Variants in OR52N5 observed in about 807,000 individuals in gnomAD.
OR52N5 encodes the protein olfactory receptor family 52 subfamily N member 5.
OR52N5 carries 10 observed loss-of-function variants against 14.1 expected under a neutral mutation model. The observed-to-expected ratio is 0.71, with a 90% confidence interval of 0.44 to 1.20. OR52N5 has a LOEUF of 1.20. Ranked by LOEUF, OR52N5 falls within the 50% of genes most tolerant of loss-of-function variation. The pLI, the probability that OR52N5 is intolerant of heterozygous loss-of-function variation, is 0.00. For missense variants in OR52N5, 361 were observed against 403.2 expected, an observed-to-expected ratio of 0.90 and a Z score of 0.90; for synonymous variants, 116 against 143.0, an observed-to-expected ratio of 0.81 and a Z score of 1.35.
In OR52N5 at chr11:5,782,544, C is replaced by G. The variant is rs1854557128; in HGVS notation, c.-248+751G>C. ...TTTGTTCAATAGCTTGCCAAAGATACAGAATTTTGTGCTGTCTACACTAAA... is the reference window on the plus strand; with the variant it reads ...TTTGTTCAATAGCTTGCCAAAGATAGAGAATTTTGTGCTGTCTACACTAAA... On this transcript the variant is annotated intron_variant, in intron 1 of 2. Coordinates refer to ENST00000641181, the MANE Select transcript of OR52N5 (RefSeq NM_001385662.1). Among the ~76,000 whole-genome samples the G allele has an allele frequency of 7.9e-5, 11 of 140,124 alleles. 4 individuals carry two copies. The highest frequency in any genetic ancestry group is 6.7e-4 in the Admixed American group (9 of 13,500). 91.9% of individuals were successfully genotyped at this position (140,124 alleles called of 152,430 possible).
rs187010207 is a variant in OR52N5, at chr11:5,777,584, G to A, written c.*76C>T. 44 of 1,116,968 alleles carry A rather than the reference G, an allele frequency of 3.9e-5. 7 individuals carry two copies. In the Admixed American group the frequency reaches 1.2e-3, roughly 30 times the overall value. The allele number at this position is 1,116,968 out of a possible 1,614,324, so 69.2% of individuals were successfully genotyped here. ...TGTATGATACTACACATGAATAAATGTAAAATATCACACGTAAGTTTATTC... is the reference window on the plus strand; with the variant it reads ...TGTATGATACTACACATGAATAAATATAAAATATCACACGTAAGTTTATTC... On this transcript the variant is annotated 3_prime_UTR_variant, in exon 3 of 3. Transcript: ENST00000641181.
intron 2 of OR52N5, among the ~76,000 whole-genome samples, chr11:5,779,298 T>G (rs1400570580): frequency 7.2e-6 from 1 of 139,654 alleles, no homozygotes; most frequent in Non-Finnish European, 1.6e-5. Flanking sequence ...AGGTTAATAT[T>G]CTGATGGATT....
Position 5,778,205 on chromosome 11 carries a change from T to C in OR52N5, c.430A>G (p.Thr144Ala). The C allele has an allele frequency of 7.2e-6, 11 of 1,520,356 alleles. 1 individual carries two copies. Among genetic ancestry groups the C allele is most frequent in the South Asian group, 1.2e-5 (1 of 85,818 alleles). The allele number at this position is 1,520,356 out of a possible 1,614,324, so 94.2% of individuals were successfully genotyped here. A position where few individuals can be genotyped will look rare whatever the true frequency, so the allele number is the denominator to read the frequency against. ...TTGGCAATGATAGGGTTGGTGAGTG[T>C]GGTAGCATAACGCAAAGGGTAGCAA... The part of the protein sequence containing the change: ...AICYPLRYAT[T>A]LTNPIIAKAE... The change falls in exon 3 of 3, where the codon ACA (threonine) becomes GCA (alanine). Residue 144 changes from threonine (T) to alanine (A), a missense_variant. Physicochemically the swap from Thr to Ala is moderately conservative, Grantham distance 58 (BLOSUM62 0). Coordinates refer to ENST00000641181, the MANE Select transcript of OR52N5 (RefSeq NM_001385662.1).
rs927750897 is a variant in OR52N5 at position 5,776,177 on chromosome 11, T to C, written c.*1483A>G. On this transcript the variant is annotated 3_prime_UTR_variant, in exon 3 of 3. Transcript: ENST00000641181. ...TTATAAGAGTGTTGTGATAATATAGTGTGTGTGACAACCAGGAAGAGGTAA... is the reference window on the plus strand; with the variant it reads ...TTATAAGAGTGTTGTGATAATATAGCGTGTGTGACAACCAGGAAGAGGTAA... 1 of 140,332 alleles carries C rather than the reference T, an allele frequency of 7.1e-6. No homozygotes were observed. Among genetic ancestry groups the C allele is most frequent in the African/African-American group, 2.6e-5 (1 of 38,358 alleles). 8.7% of individuals were successfully genotyped at this position (140,332 alleles called of 1,614,324 possible).
In OR52N5 at chr11:5,778,588, G is replaced by A. The variant is rs1052043794; in HGVS notation, c.47C>T (p.Thr16Ile). The change falls in exon 3 of 3, where the codon ACT becomes ATT. Residue 16 changes from threonine to isoleucine, a missense_variant. By Grantham distance (89) the Thr-to-Ile change is moderately conservative. Coordinates refer to ENST00000641181, the MANE Select transcript of OR52N5 (RefSeq NM_001385662.1). ...SLCWFPTIHV[T>I]PPSFILNGIP... ...TCCATTAAGAATAAAAGATGGAGGA[G>A]TCACATGAATTGTTGGAAACCAGCA... The A allele has an allele frequency of 1.3e-6, 2 of 1,485,296 alleles. No individual in the cohort carries two copies. The highest frequency in any genetic ancestry group is 1.8e-6 in the Non-Finnish European group (2 of 1,087,818). 92.0% of individuals were successfully genotyped at this position (1,485,296 alleles called of 1,614,324 possible).
Position 5,776,368 on chromosome 11 carries a change from A to C in OR52N5, c.*1292T>G, listed in dbSNP as rs879639709. 1 of 140,542 alleles carries C rather than the reference A, an allele frequency of 7.1e-6. No individual in the cohort carries two copies. The highest frequency in any genetic ancestry group is 2.6e-5 in the African/African-American group (1 of 38,470). The allele number at this position is 140,542 out of a possible 1,614,324, so 8.7% of individuals were successfully genotyped here. ...TTTAACTGGGAAAGCCATACCATAT[A>C]CCAACTAGCTCCTGCACTGACTTCT... On this transcript the variant is annotated 3_prime_UTR_variant, in exon 3 of 3. Transcript: ENST00000641181.
Position 5,781,553 on chromosome 11 carries a change from C to G in OR52N5, c.-44G>C, listed in dbSNP as rs1261156788. 4 of 140,366 alleles carry G rather than the reference C, an allele frequency of 2.8e-5. No homozygotes were observed. The highest frequency in any genetic ancestry group is 1.0e-4 in the African/African-American group (4 of 38,310). 8.7% of individuals were successfully genotyped at this position (140,366 alleles called of 1,614,324 possible). ...CATACCACATCAAGATATGCTGCAGCTTACGACCTTGTGTCAATCACAATT... is the reference window on the plus strand; with the variant it reads ...CATACCACATCAAGATATGCTGCAGGTTACGACCTTGTGTCAATCACAATT... On this transcript the variant is annotated 5_prime_UTR_variant, in exon 2 of 3. Transcript: ENST00000641181.
chr11:5,778,607 A>AC lies in OR52N5; in HGVS notation c.27dup (p.Phe10ValfsTer14). On this transcript the variant is annotated frameshift_variant, in exon 3 of 3. Coordinates refer to ENST00000641181, the MANE Select transcript of OR52N5 (RefSeq NM_001385662.1). LOFTEE classifies it high-confidence loss of function. ...GGAGGAGTCACATGAATTGTTGGAA[A>AC]CCAGCATAATGAATTAAATAGAGGC... 6.8e-7 allele frequency: 1 copy of AC among 1,477,600 alleles called. No individual in the cohort carries two copies. The highest frequency in any genetic ancestry group is 9.2e-7 in the Non-Finnish European group (1 of 1,085,526). 91.5% of individuals were successfully genotyped at this position (1,477,600 alleles called of 1,614,324 possible).
At chr11:5,779,604 T>A (rs1403742540) in intron 2 of OR52N5, among the ~76,000 whole-genome samples, 1 of 140,046 alleles carries the variant, frequency 7.1e-6, no homozygotes. Context: ...AAGATAATTT[T>A]CAGATAATTA....
At chr11:5,782,814 A>G (rs1281892872) in intron 1 of OR52N5, among the ~76,000 whole-genome samples, 1 of 139,426 alleles carries the variant, frequency 7.2e-6, no homozygotes, top group Non-Finnish European at 1.6e-5. Context: ...GCTTAAAAAA[A>G]GAATACTCAA....
In OR52N5 at chr11:5,778,465, A is replaced by G. The variant is rs771490852; in HGVS notation, c.170T>C (p.Ile57Thr). The G allele has an allele frequency of 3.3e-6, 5 of 1,517,276 alleles. 2 individuals carry two copies. Among genetic ancestry groups the G allele is most frequent in the Non-Finnish European group, 4.5e-6 (5 of 1,111,352 alleles). 94.0% of individuals were successfully genotyped at this position (1,517,276 alleles called of 1,614,324 possible). ...LVGNLGLVYL[I>T]YYEESLHHPM... is the part of the protein sequence containing the mutation. The stretch of plus-strand genomic sequence containing the variant: ...ATGATGTAAGGACTCCTCATAATAA[A>G]TGAGGTACACAAGACCAAGATTCCC... Residue 57 changes from isoleucine to threonine, a missense_variant, in exon 3 of 3, where the codon ATT becomes ACT. Transcript: ENST00000641181.
rs1470678857 is a variant in OR52N5, at chr11:5,778,389, G to C, written c.246C>G (p.Thr82=). The C allele has an allele frequency of 6.6e-7, 1 of 1,519,726 alleles. No homozygotes were observed. Among genetic ancestry groups the C allele is most frequent in the Admixed American group, 1.8e-5 (1 of 55,392 alleles). 94.1% of individuals were successfully genotyped at this position (1,519,726 alleles called of 1,614,324 possible). Residue 82 remains threonine, a synonymous_variant, in exon 3 of 3, where the codon ACC becomes ACG. Transcript: ENST00000641181. The stretch of plus-strand genomic sequence containing the variant: ...GTGCATTGGGTAGAGTGGTGGTGCA[G>C]GTAAGGAGGTCAATGAGGGAGAGAG... ...GHALSLIDLL[T]CTTTLPNALC... is the part of the protein sequence containing the mutation.
Position 5,777,190 on chromosome 11 carries a change from A to G in OR52N5, c.*470T>C, listed in dbSNP as rs1350794569. ...GGTGATGGATATTCTAATTACCTTG[A>G]TTGAATTATTACACATTTTATGCAT... is the stretch of plus-strand genomic sequence containing the variant. On this transcript the variant is annotated 3_prime_UTR_variant, in exon 3 of 3. Transcript: ENST00000641181. 1 of 140,042 alleles carries G rather than the reference A, an allele frequency of 7.1e-6. No individual in the cohort carries two copies. Among genetic ancestry groups the G allele is most frequent in the Admixed American group, 7.4e-5 (1 of 13,566 alleles). The allele number at this position is 140,042 out of a possible 1,614,324, so 8.7% of individuals were successfully genotyped here.
At chr11:5,780,452 A>C (rs575832468) in intron 2 of OR52N5, among the ~76,000 whole-genome samples, 1 of 140,042 alleles carries the variant, frequency 7.1e-6, no homozygotes, top group South Asian at 2.3e-4. Context: ...GAAAAATAAT[A>C]GAAAAGATTG....
Position 5,778,646 on chromosome 11 carries a change from A to T in OR52N5, c.-12T>A. 7.2e-7 allele frequency: 1 copy of T among 1,388,150 alleles called. No homozygotes were observed. The highest frequency in any genetic ancestry group is 1.5e-5 in the South Asian group (1 of 68,508). The allele number at this position is 1,388,150 out of a possible 1,614,324, so 86.0% of individuals were successfully genotyped here. A position where few individuals can be genotyped will look rare whatever the true frequency, so the allele number is the denominator to read the frequency against. ...TTAAATAGAGGCATTCTATTTTTCC[A>T]GAAGTTTCATCCTGAAGAGAAGGAA... On this transcript the variant is annotated 5_prime_UTR_variant, in exon 3 of 3. Transcript: ENST00000641181.
At position 5,776,634 on chromosome 11, in the gene OR52N5, G is replaced by C. The variant is rs997979854; in HGVS notation, c.*1026C>G. ...TTGTGTGAATTCATACCAACGACTT[G>C]ATTAAAACGGGCAATGTAACTTTTG... On this transcript the variant is annotated 3_prime_UTR_variant, in exon 3 of 3. Coordinates refer to ENST00000641181, the MANE Select transcript of OR52N5 (RefSeq NM_001385662.1). The C allele has an allele frequency of 1.1e-4, 16 of 140,256 alleles. 1 individual carries two copies. Among genetic ancestry groups the C allele is most frequent in the African/African-American group, 3.9e-4 (15 of 38,368 alleles). 8.7% of individuals were successfully genotyped at this position (140,256 alleles called of 1,614,324 possible). A position where few individuals can be genotyped will look rare whatever the true frequency, so the allele number is the denominator to read the frequency against.
chr11:5,778,820 T>G lies in OR52N5; in HGVS notation c.-23-163A>C, dbSNP rs540233582. ...TAATACTGTATTCCAGATAACATTT[T>G]AAAAGTTTCATAAACAGTCTAAATG... On this transcript the variant is annotated intron_variant, in intron 2 of 2. Transcript: ENST00000641181. Among the ~76,000 whole-genome samples the G allele has an allele frequency of 7.1e-5, 10 of 140,654 alleles. 2 individuals are homozygous for G. Among genetic ancestry groups the G allele is most frequent in the African/African-American group, 2.3e-4 (9 of 38,548 alleles). The allele number at this position is 140,654 out of a possible 152,430, so 92.3% of individuals were successfully genotyped here.
At chr11:5,778,802 G>A in intron 2 of OR52N5, 145 bp from the exon 3 acceptor site, 2 of 461,272 alleles carry the variant, frequency 4.3e-6, no homozygotes, top group South Asian at 3.9e-5. Context: ...GAATAATACT[G>A]TATTCCAGAT....
At chr11:5,782,867 A>G (rs1854559178) in intron 1 of OR52N5, among the ~76,000 whole-genome samples, 1 of 138,944 alleles carries the variant, frequency 7.2e-6, no homozygotes, top group Admixed American at 7.5e-5. Flanking sequence ...GTATGACCCA[A>G]CTTAAGAAAA....
Sources: allele counts gnomAD v4.1 joint callset (sites outside exome capture counted in the v4.1 genomes callset), GRCh38; gene constraint gnomAD v4.1.1; transcripts MANE v1.5; gene names NCBI Gene and HGNC (gene_info 2026-07-23, HGNC 2026-07-21).